Variants in STX18 observed in about 807,000 individuals in gnomAD.
STX18 encodes syntaxin-18.
A neutral mutation model predicts 50.1 loss-of-function variants in STX18; 40 were observed. That is an observed-to-expected ratio of 0.80 (90% CI 0.62 to 1.04). The LOEUF (loss-of-function observed/expected upper bound fraction) is 1.04, where lower values mean the gene tolerates loss of function less well. STX18 is among the 50% of genes least tolerant of loss of function. The probability of loss-of-function intolerance (pLI) is 0.00; values close to 1 mark genes in which losing one functional copy is unlikely to be tolerated. For missense variants in STX18, 410 were observed against 415.8 expected, an observed-to-expected ratio of 0.99 and a Z score of 0.12; for synonymous variants, 158 against 151.8, an observed-to-expected ratio of 1.04 and a Z score of -0.30.
intron 1 of STX18, among the ~76,000 whole-genome samples, chr4:4,502,974 T>G (rs1174689262): frequency 6.6e-6 from 1 of 152,180 alleles, no homozygotes; most frequent in Non-Finnish European, 1.5e-5. Context: ...TCAGAAATCC[T>G]GGGGAAGCTG....
At chr4:4,437,086 A>C (rs1343184641) in intron 6 of STX18, among the ~76,000 whole-genome samples, 1 of 149,802 alleles carries the variant, frequency 6.7e-6, no homozygotes, top group Non-Finnish European at 1.5e-5. Context: ...CAGCCTCCCC[A>C]GTAGCTGGGA....
intron 1 of STX18, among the ~76,000 whole-genome samples, chr4:4,480,623 T>G (rs766532761): frequency 4.6e-5 from 7 of 152,230 alleles, no homozygotes; most frequent in Non-Finnish European, 1.0e-4. Context: ...CAATAACTAT[T>G]TAATGCTCCA....
At chr4:4,504,912 TA>T (rs1729628992) in intron 1 of STX18, among the ~76,000 whole-genome samples, 1 of 152,158 alleles carries the variant, frequency 6.6e-6, no homozygotes, top group Non-Finnish European at 1.5e-5. Context: ...AAAAAAATAG[TA>T]GCCTTATTGA....
At chr4:4,515,284 T>C (rs1435258530) in intron 1 of STX18, among the ~76,000 whole-genome samples, 2 of 152,102 alleles carry the variant, frequency 1.3e-5, no homozygotes, top group Non-Finnish European at 2.9e-5. Flanking sequence ...TTGTTTCCAG[T>C]GATAATTGTA....
chr4:4,465,399 T>C (rs954848162), intron 2 of STX18, among the ~76,000 whole-genome samples: 2 of 152,176 alleles, frequency 1.3e-5, no homozygotes, highest in African/African-American at 4.8e-5. Context: ...ATGTGGAACA[T>C]ATACATCATG....
intron 1 of STX18, chr4:4,499,557 T>C (rs757299174): frequency 1.0e-6 from 1 of 985,316 alleles, no homozygotes; most frequent in Non-Finnish European, 1.2e-6. Flanking sequence ...TGATTAAAGC[T>C]GCATTTTCAG....
At chr4:4,467,430 A>G (rs1329932401) in intron 2 of STX18, among the ~76,000 whole-genome samples, 1 of 152,112 alleles carries the variant, frequency 6.6e-6, no homozygotes, top group Non-Finnish European at 1.5e-5. Flanking sequence ...TAACTTTCTC[A>G]CTGTTACAAC....
chr4:4,494,556 G>C (rs1729084230), intron 1 of STX18, among the ~76,000 whole-genome samples: 1 of 152,040 alleles, frequency 6.6e-6, no homozygotes, highest in African/African-American at 2.4e-5. Context: ...CCATTTTATA[G>C]GTAAGAACAG....
At chr4:4,461,224 C>T (rs2108821631) in intron 2 of STX18, among the ~76,000 whole-genome samples, 1 of 152,186 alleles carries the variant, frequency 6.6e-6, no homozygotes, top group Middle Eastern at 3.4e-3. Context: ...TATACATTAA[C>T]CTTCTAAATT....
chr4:4,517,987 C>A (rs185253666), intron 1 of STX18, among the ~76,000 whole-genome samples: 1 of 152,218 alleles, frequency 6.6e-6, no homozygotes, highest in South Asian at 2.1e-4. Flanking sequence ...GTTGGCCAGG[C>A]TGGTCTCAAA....
chr4:4,468,397 A>C (rs1727730412), intron 2 of STX18, among the ~76,000 whole-genome samples: 1 of 152,104 alleles, frequency 6.6e-6, no homozygotes, highest in African/African-American at 2.4e-5. Flanking sequence ...AGATTACCTC[A>C]AGGCGGGTAG....
chr4:4,483,458 C>T (rs1728554072), intron 1 of STX18, among the ~76,000 whole-genome samples: 1 of 152,298 alleles, frequency 6.6e-6, no homozygotes, highest in Admixed American at 6.5e-5. Flanking sequence ...TCACTCCTTC[C>T]AGCCCCAACT....
At chr4:4,460,387 A>G (rs1367621151) in intron 2 of STX18, among the ~76,000 whole-genome samples, 1 of 151,974 alleles carries the variant, frequency 6.6e-6, no homozygotes, top group East Asian at 1.9e-4. Flanking sequence ...TCCTAAACCG[A>G]TTTTTCCCCC....
At chr4:4,428,765 G>A (rs1725380544) in intron 7 of STX18, among the ~76,000 whole-genome samples, 1 of 152,138 alleles carries the variant, frequency 6.6e-6, no homozygotes, top group Admixed American at 6.5e-5. Context: ...CACTTTGCAA[G>A]GTGCGGTGCT....
At chr4:4,511,299 T>C (rs1358932100) in intron 1 of STX18, among the ~76,000 whole-genome samples, 1 of 152,250 alleles carries the variant, frequency 6.6e-6, no homozygotes, top group African/African-American at 2.4e-5. Flanking sequence ...TAATGTGGAC[T>C]CTCACAGTTC....
chr4:4,503,858 T>C (rs1729573166), intron 1 of STX18, among the ~76,000 whole-genome samples: 1 of 152,010 alleles, frequency 6.6e-6, no homozygotes, highest in Non-Finnish European at 1.5e-5. Context: ...TTTAAAAGAG[T>C]GATAAAAACT....
Position 4,419,228 on chromosome 4 carries a change from G to A in STX18, c.*806C>T, listed in dbSNP as rs1372252663. 2 of 152,248 alleles carry A rather than the reference G, an allele frequency of 1.3e-5. No homozygotes were observed. Among genetic ancestry groups the A allele is most frequent in the African/African-American group, 2.4e-5 (1 of 41,464 alleles). The allele number at this position is 152,248 out of a possible 1,614,324, so 9.4% of individuals were successfully genotyped here. A position where few individuals can be genotyped will look rare whatever the true frequency, so the allele number is the denominator to read the frequency against. The stretch of plus-strand genomic sequence containing the variant: ...TCCTGGAGGTCAGAAGCACAGGCAC[G>A]AGAGAAGCAGGCCCGTTCTTCCGTG... On this transcript the variant is annotated 3_prime_UTR_variant, in exon 11 of 11. Transcript: ENST00000306200.
At chr4:4,471,067 T>A (rs989653563) in intron 2 of STX18, among the ~76,000 whole-genome samples, 19 of 152,158 alleles carry the variant, frequency 1.2e-4, no homozygotes, top group African/African-American at 3.4e-4. Flanking sequence ...AAATGAAGGC[T>A]ATGCCAAAGT....
intron 8 of STX18, 142 bp downstream of exon 8, chr4:4,425,022 C>T (rs1332467136): frequency 2.7e-6 from 2 of 732,706 alleles, no homozygotes; most frequent in Non-Finnish European, 4.7e-6. Context: ...ATGCCCACCC[C>T]AGCCCAGTCA....
Sources: allele counts gnomAD v4.1 joint callset (sites outside exome capture counted in the v4.1 genomes callset), GRCh38; gene constraint gnomAD v4.1.1; transcripts MANE v1.5; gene names NCBI Gene and HGNC (gene_info 2026-07-23, HGNC 2026-07-21).